The following MALRD1 variants were observed in gnomAD, a reference collection of about 807,000 sequenced individuals.
The protein encoded by MALRD1 is MAM and LDL-receptor class A domain-containing protein 1.
A neutral mutation model predicts 242.1 loss-of-function variants in MALRD1; 247 were observed. That is an observed-to-expected ratio of 1.02 (90% CI 0.92 to 1.13). The LOEUF (loss-of-function observed/expected upper bound fraction) is 1.13, where lower values mean the gene tolerates loss of function less well. Among genes scored for constraint, MALRD1 ranks in the 50% most tolerant of loss-of-function variants. The probability of loss-of-function intolerance (pLI) is 0.00; values close to 1 mark genes in which losing one functional copy is unlikely to be tolerated. For missense variants in MALRD1, 2,989 were observed against 2,533.1 expected (o/e 1.18, Z -3.86); for synonymous variants, 995 against 866.6 (o/e 1.15, Z -2.60).
intron 29 of MALRD1, among the ~76,000 whole-genome samples, chr10:19,471,612 AT>A (rs34751709): frequency 0.7 from 88,642 of 127,192 alleles, 30,475 homozygotes; most frequent in East Asian, 0.83. Flanking sequence ...TTTTCTCAGG[AT>A]TTTTTTTTTT....
chr10:19,334,977 C>G (rs1404934393), intron 24 of MALRD1, among the ~76,000 whole-genome samples: 1 of 151,974 alleles, frequency 6.6e-6, no homozygotes, highest in Non-Finnish European at 1.5e-5. Flanking sequence ...TATTTAGGCT[C>G]TAAAGTTGTG....
intron 31 of MALRD1, among the ~76,000 whole-genome samples, chr10:19,507,746 A>T (rs1833206796): frequency 6.6e-6 from 1 of 152,228 alleles, no homozygotes; most frequent in African/African-American, 2.4e-5. Context: ...TGAGAGTATT[A>T]AAGTGAAACA....
At chr10:19,230,020 G>A (rs1264482003) in intron 18 of MALRD1, among the ~76,000 whole-genome samples, 2 of 152,086 alleles carry the variant, frequency 1.3e-5, no homozygotes, top group African/African-American at 4.8e-5. Context: ...TAGTGAATAA[G>A]TCTCATGAGA....
intron 36 of MALRD1, among the ~76,000 whole-genome samples, chr10:19,670,266 C>T (rs2131757753): frequency 6.6e-6 from 1 of 152,208 alleles, no homozygotes; most frequent in Non-Finnish European, 1.5e-5. Flanking sequence ...ATTATTTACC[C>T]ATGAATTTTC....
At chr10:19,384,468 C>CTATATAT (rs1845983870) in intron 26 of MALRD1, among the ~76,000 whole-genome samples, 1 of 108,946 alleles carries the variant, frequency 9.2e-6, no homozygotes. Context: ...ATAATATATA[C>CTATATAT]TATATATTAT....
chr10:19,449,408 C>G (rs1006875627), intron 28 of MALRD1, among the ~76,000 whole-genome samples: 2 of 152,138 alleles, frequency 1.3e-5, no homozygotes, highest in Admixed American at 6.5e-5. Flanking sequence ...ATCTCTTGAT[C>G]TTGTGATCCG....
intron 2 of MALRD1, among the ~76,000 whole-genome samples, chr10:19,082,911 T>C (rs1437979702): frequency 6.6e-6 from 1 of 152,036 alleles, no homozygotes; most frequent in Non-Finnish European, 1.5e-5. Flanking sequence ...CACAGTTCTA[T>C]AGGCTGGGAA....
chr10:19,211,527 TA>T (rs1381109066), intron 18 of MALRD1, among the ~76,000 whole-genome samples: 7 of 151,282 alleles, frequency 4.6e-5, no homozygotes, highest in Non-Finnish European at 1.0e-4. Flanking sequence ...ACCTCATCTC[TA>T]CTAAAAATAG....
intron 33 of MALRD1, among the ~76,000 whole-genome samples, chr10:19,579,756 T>A (rs1366321534): frequency 6.6e-6 from 1 of 152,196 alleles, no homozygotes; most frequent in East Asian, 1.9e-4. Context: ...CTGTAAGGCG[T>A]TGGAGAACCA....
intron 17 of MALRD1, 100 bp downstream of exon 17, chr10:19,205,365 A>T: frequency 1.5e-6 from 2 of 1,348,318 alleles, no homozygotes; most frequent in Non-Finnish European, 1.9e-6. Context: ...AACAGTAAGC[A>T]TAGCTCCAAA....
chr10:19,382,367 T>TGC (rs1324916964), intron 26 of MALRD1, among the ~76,000 whole-genome samples: 2 of 151,396 alleles, frequency 1.3e-5, no homozygotes, highest in Non-Finnish European at 2.9e-5. Flanking sequence ...TGTGTGAGTG[T>TGC]GTGTGTGCAT....
At chr10:19,582,664 C>T (rs1265053555) in intron 33 of MALRD1, among the ~76,000 whole-genome samples, 11 of 131,096 alleles carry the variant, frequency 8.4e-5, no homozygotes, top group African/African-American at 2.5e-4. Context: ...TGTGATGCCT[C>T]CAGCTTTGTT....
intron 36 of MALRD1, among the ~76,000 whole-genome samples, chr10:19,635,114 G>A (rs1332855245): frequency 2.0e-5 from 3 of 152,142 alleles, no homozygotes; most frequent in Non-Finnish European, 4.4e-5. Context: ...CAGGGACCTT[G>A]AAACAGCAAA....
intron 4 of MALRD1, among the ~76,000 whole-genome samples, chr10:19,102,059 ATATAAT>A (rs1448787582): frequency 1.0e-5 from 1 of 97,658 alleles, no homozygotes; most frequent in Non-Finnish European, 2.1e-5. Flanking sequence ...CTATATTATA[ATATAAT>A]TATAACATAT....
chr10:19,063,869 AC>A (rs1157495225), intron 1 of MALRD1, among the ~76,000 whole-genome samples: 2 of 152,074 alleles, frequency 1.3e-5, no homozygotes, highest in Non-Finnish European at 2.9e-5. Flanking sequence ...GGTGCAGCAC[AC>A]CAGCATGGCA....
intron 1 of MALRD1, among the ~76,000 whole-genome samples, chr10:19,055,523 G>A (rs1384815938): frequency 6.6e-6 from 1 of 152,112 alleles, no homozygotes; most frequent in Non-Finnish European, 1.5e-5. Context: ...ACAGGTAGAA[G>A]TTTTATAGTT....
intron 36 of MALRD1, among the ~76,000 whole-genome samples, chr10:19,655,079 T>A (rs1589365146): frequency 6.6e-6 from 1 of 152,160 alleles, no homozygotes; most frequent in East Asian, 1.9e-4. Context: ...GGAATAAGAA[T>A]CATGAAGAAT....
At chr10:19,557,266 A>G (rs981769051) in intron 32 of MALRD1, among the ~76,000 whole-genome samples, 2 of 151,946 alleles carry the variant, frequency 1.3e-5, no homozygotes, top group Admixed American at 1.3e-4. Flanking sequence ...TAACAGTGTC[A>G]TTTACATAGA....
intron 33 of MALRD1, among the ~76,000 whole-genome samples, chr10:19,571,916 A>G (rs1448492044): frequency 1.3e-5 from 2 of 152,176 alleles, no homozygotes; most frequent in Non-Finnish European, 2.9e-5. Flanking sequence ...TCAGGTCCAG[A>G]TTAACATCCT....
Sources: allele counts gnomAD v4.1 joint callset (sites outside exome capture counted in the v4.1 genomes callset), GRCh38; gene constraint gnomAD v4.1.1; transcripts MANE v1.5; gene names NCBI Gene and HGNC (gene_info 2026-07-23, HGNC 2026-07-21).